ARL13B: variants seen among roughly 807,000 people sequenced by gnomAD.
ARL13B encodes the protein ARF like GTPase 13B, also known as ADP-ribosylation factor-like protein 13B.
Under a neutral mutation model 56.1 loss-of-function variants are expected in ARL13B, and 36 were observed. The observed-to-expected ratio is 0.64, with a 90% CI of 0.49 to 0.85. The LOEUF (loss-of-function observed/expected upper bound fraction) is 0.85, where lower values mean the gene tolerates loss of function less well. ARL13B is among the 40% of genes least tolerant of loss of function. The pLI is 0.00. For missense variants in ARL13B, 519 were observed against 507.1 expected (o/e 1.02, Z -0.23); for synonymous variants, 178 against 171.1 (o/e 1.04, Z -0.32).
intron 6 of ARL13B, among the ~76,000 whole-genome samples, chr3:94,042,024 T>G (rs1437194950): frequency 6.6e-6 from 1 of 152,110 alleles, no homozygotes; most frequent in African/African-American, 2.4e-5. Flanking sequence ...GCCACTGCAC[T>G]CCAGCCTGGG....
chr3:93,995,339 T>G (rs1160905118), intron 1 of ARL13B, among the ~76,000 whole-genome samples: 1 of 152,054 alleles, frequency 6.6e-6, no homozygotes, highest in Non-Finnish European at 1.5e-5. Context: ...TTTCCCCCTG[T>G]GGAGTTTAGC....
Position 94,014,796 on chromosome 3 carries a change from C to A in ARL13B, c.380+10888C>A, listed in dbSNP as rs1463620541. The A allele has an allele frequency of 1.9e-6, 3 of 1,614,034 alleles. No individual in the cohort carries two copies. The highest frequency in any genetic ancestry group is 1.7e-5 in the Admixed American group (1 of 60,026). On this transcript the variant is annotated intron_variant, in intron 3 of 9. Coordinates refer to ENST00000394222, the MANE Select transcript of ARL13B (RefSeq NM_001174150.2). The stretch of plus-strand genomic sequence containing the variant: ...AAATAAATGTCTTGCACTTCTCTTG[C>A]TTTGCTGCTATTGTGTCATTGTATA...
At chr3:94,029,336 T>TATATA (rs1559997742) in intron 3 of ARL13B, among the ~76,000 whole-genome samples, 3 of 47,144 alleles carry the variant, frequency 6.4e-5, no homozygotes, top group Non-Finnish European at 8.6e-5. Flanking sequence ...ATATATATAT[T>TATATA]TATTTTTTTT....
At chr3:94,009,702 C>G (rs764448113) in intron 3 of ARL13B, among the ~76,000 whole-genome samples, 1 of 152,042 alleles carries the variant, frequency 6.6e-6, no homozygotes, top group East Asian at 1.9e-4. Flanking sequence ...AGATTTCTCT[C>G]CTTTCAGTGG....
intron 3 of ARL13B, among the ~76,000 whole-genome samples, chr3:94,016,606 T>C (rs1358275442): frequency 1.3e-5 from 2 of 152,018 alleles, no homozygotes; most frequent in African/African-American, 4.8e-5. Flanking sequence ...GGGTTCACAA[T>C]AGTGTCTATG....
intron 3 of ARL13B, among the ~76,000 whole-genome samples, chr3:94,010,106 TA>T (rs1303911806): frequency 2.6e-5 from 4 of 152,106 alleles, no homozygotes; most frequent in Non-Finnish European, 4.4e-5. Flanking sequence ...TTCTGATTTA[TA>T]GCAAAAATTG....
chr3:94,038,560 G>T (rs975718418), intron 5 of ARL13B, among the ~76,000 whole-genome samples: 19 of 42,566 alleles, frequency 4.5e-4, no homozygotes, highest in Admixed American at 1.2e-3. Flanking sequence ...TTTTGCTCTT[G>T]TTGCCCAGGC....
chr3:94,037,054 G>A (rs939125345), intron 5 of ARL13B, among the ~76,000 whole-genome samples: 2 of 152,060 alleles, frequency 1.3e-5, no homozygotes, highest in Admixed American at 1.3e-4. Context: ...AATGCACAGG[G>A]TAGTTTTTAA....
intron 1 of ARL13B, among the ~76,000 whole-genome samples, chr3:93,992,182 G>GT (rs1275719243): frequency 6.6e-6 from 1 of 151,854 alleles, no homozygotes; most frequent in African/African-American, 2.4e-5. Context: ...TTAGATGTTT[G>GT]TTTTTTTAAA....
At chr3:94,028,500 CT>C (rs1330298478) in intron 3 of ARL13B, 1 of 152,182 alleles carries the variant, frequency 6.6e-6, no homozygotes, top group Non-Finnish European at 1.5e-5. Context: ...AGACTAATTT[CT>C]GTATAGTTTT....
Position 93,980,516 on chromosome 3 carries a change from G to C in ARL13B, c.59+34G>C, listed in dbSNP as rs375172683. The C allele has an allele frequency of 1.4e-4, 227 of 1,606,554 alleles. 2 individuals carry two copies. In the African/African-American group the frequency reaches 2.7e-3, roughly 19 times the overall value. On this transcript the variant is annotated intron_variant, in intron 1 of 9. Transcript: ENST00000394222. ...GAGCCAGCTGTCCTGGCCGTCCTAG[G>C]GGTTGGAGATGGCTGCGCCCCAGGG...
At chr3:94,023,651 A>G (rs1364360344) in intron 3 of ARL13B, among the ~76,000 whole-genome samples, 3 of 152,170 alleles carry the variant, frequency 2.0e-5, no homozygotes, top group Non-Finnish European at 4.4e-5. Context: ...AGGCCACACA[A>G]CTAAAAGGTG....
At chr3:94,030,960 C>T (rs1347399505) in intron 3 of ARL13B, among the ~76,000 whole-genome samples, 1 of 151,988 alleles carries the variant, frequency 6.6e-6, no homozygotes, top group Non-Finnish European at 1.5e-5. Flanking sequence ...AGGATTGAGC[C>T]TAGGAGTTTG....
intron 5 of ARL13B, among the ~76,000 whole-genome samples, chr3:94,037,168 C>G (rs1021555339): frequency 2.6e-5 from 4 of 152,092 alleles, no homozygotes; most frequent in African/African-American, 9.7e-5. Context: ...AGCTAAACAT[C>G]CTATGACACA....
At chr3:94,019,332 G>A (rs2076400155) in intron 3 of ARL13B, among the ~76,000 whole-genome samples, 1 of 152,076 alleles carries the variant, frequency 6.6e-6, no homozygotes, top group Admixed American at 6.5e-5. Flanking sequence ...GAGTAGCTGG[G>A]ACTACAGGCA....
chr3:94,022,145 CAG>C lies in ARL13B; in HGVS notation c.381-13183_381-13182del, dbSNP rs1227389031. ...TTATTTTATTTTATTTTTTTTGAGA[CAG>C]AGTTTCGCTGTTGTCACCCAGGCTG... On this transcript the variant is annotated intron_variant, in intron 3 of 9. Transcript: ENST00000394222. Among the ~76,000 whole-genome samples the C allele has an allele frequency of 2.6e-5, 4 of 151,972 alleles. No individual in the cohort carries two copies. In the East Asian group the frequency reaches 5.8e-4, roughly 22 times the overall value.
intron 7 of ARL13B, among the ~76,000 whole-genome samples, chr3:94,043,773 T>C (rs965643005): frequency 7.0e-4 from 99 of 140,708 alleles, no homozygotes; most frequent in African/African-American, 2.6e-3. Context: ...TTCTCCTGCC[T>C]TAGCCTGCCG....
intron 5 of ARL13B, 49 bp downstream of exon 5, chr3:94,036,803 TAAC>T (rs751018751): frequency 6.5e-7 from 1 of 1,548,080 alleles, no homozygotes; most frequent in Non-Finnish European, 8.8e-7. Flanking sequence ...ATCAAAAACA[TAAC>T]AATTTTATGA....
intron 3 of ARL13B, chr3:94,015,062 T>A: frequency 1.2e-6 from 2 of 1,614,024 alleles, no homozygotes; most frequent in Non-Finnish European, 1.7e-6. Flanking sequence ...TGCCCAAATT[T>A]TTGAACATTA....
Sources: allele counts gnomAD v4.1 joint callset (sites outside exome capture counted in the v4.1 genomes callset), GRCh38; gene constraint gnomAD v4.1.1; transcripts MANE v1.5; gene names NCBI Gene and HGNC (gene_info 2026-07-23, HGNC 2026-07-21).